The following PRKCH variants were observed in gnomAD, a reference collection of about 807,000 sequenced individuals.
PRKCH encodes protein kinase C eta type.
In PRKCH, 28 loss-of-function variants were observed where a neutral mutation model predicts 82.5. That is an observed-to-expected ratio of 0.34 (90% CI 0.25 to 0.47). The LOEUF (loss-of-function observed/expected upper bound fraction) is 0.47, where lower values mean the gene tolerates loss of function less well. PRKCH is among the 20% of genes least tolerant of loss of function. PRKCH has a pLI of 1.00. For synonymous variants in PRKCH, 322 were observed against 327.4 expected, an observed-to-expected ratio of 0.98 and a Z score of 0.18; for missense variants, 705 against 881.8, an observed-to-expected ratio of 0.80 and a Z score of 2.54.
intron 12 of PRKCH, among the ~76,000 whole-genome samples, chr14:61,542,828 G>A (rs1198906380): frequency 3.3e-5 from 5 of 152,176 alleles, no homozygotes; most frequent in South Asian, 4.1e-4. Context: ...TGTTCACAGC[G>A]GTGGGAACAG....
At chr14:61,487,599 C>T (rs28716927) in intron 10 of PRKCH, among the ~76,000 whole-genome samples, 2,373 of 152,136 alleles carry the variant, frequency 0.016, 54 homozygotes, top group African/African-American at 0.054. Flanking sequence ...CGAAGAGAGA[C>T]GTTTCCACAT....
intron 1 of PRKCH, among the ~76,000 whole-genome samples, chr14:61,269,701 C>T (rs920497072): frequency 3.8e-4 from 58 of 152,244 alleles, no homozygotes; most frequent in South Asian, 1.2e-3. Context: ...TTTTTGCTGT[C>T]GTTTGCATTA....
intron 2 of PRKCH, among the ~76,000 whole-genome samples, chr14:61,418,037 C>A (rs943006862): frequency 1.3e-5 from 2 of 152,206 alleles, no homozygotes; most frequent in African/African-American, 4.8e-5. Flanking sequence ...CTCCACCCTG[C>A]AATTGTCTTA....
At chr14:61,406,831 A>G (rs1281322834) in intron 2 of PRKCH, among the ~76,000 whole-genome samples, 2 of 152,100 alleles carry the variant, frequency 1.3e-5, no homozygotes, top group Non-Finnish European at 2.9e-5. Context: ...AAAGGTTTGA[A>G]GATTTCATCA....
In PRKCH at chr14:61,423,050, G is replaced by A. The variant is rs138757562; in HGVS notation, c.428-20061G>A. On this transcript the variant is annotated intron_variant, in intron 2 of 13. Transcript: ENST00000332981. ...AATGAATGAAGTTGCCCAAATTTAC[G>A]TGTGAAGATGTGTTGGAGCCTAAGT... Among the ~76,000 whole-genome samples, 25 of 152,224 alleles carry A rather than the reference G, an allele frequency of 1.6e-4. No homozygotes were observed. The East Asian group carries it at 3.3e-3, about 20-fold the overall frequency.
intron 1 of PRKCH, among the ~76,000 whole-genome samples, chr14:61,371,222 T>A (rs2046361163): frequency 6.6e-6 from 1 of 152,094 alleles, no homozygotes. Flanking sequence ...TGCAGAGAAT[T>A]CCCATATACC....
At chr14:61,473,833 A>C (rs1002047588) in intron 9 of PRKCH, among the ~76,000 whole-genome samples, 6 of 152,128 alleles carry the variant, frequency 3.9e-5, no homozygotes, top group African/African-American at 1.4e-4. Context: ...TCTCTACTAA[A>C]AATACAAAAA....
At chr14:61,477,211 T>C (rs1885767581) in intron 9 of PRKCH, 1 of 152,266 alleles carries the variant, frequency 6.6e-6, no homozygotes, top group South Asian at 2.1e-4. Flanking sequence ...TTGTTATTCA[T>C]GTAGAAATAC....
At chr14:61,258,583 A>G (rs573293774) in intron 1 of PRKCH, among the ~76,000 whole-genome samples, 1 of 152,350 alleles carries the variant, frequency 6.6e-6, no homozygotes, top group African/African-American at 2.4e-5. Context: ...ACTTTCCTAC[A>G]TCAAATAACC....
intron 1 of PRKCH, among the ~76,000 whole-genome samples, chr14:61,227,210 TACTC>T (rs1245263269): frequency 3.3e-5 from 5 of 152,226 alleles, no homozygotes; most frequent in Non-Finnish European, 7.3e-5. Flanking sequence ...TTTCCTCGCT[TACTC>T]ACTCTGTCAT....
chr14:61,478,434 G>T (rs1667932531), intron 9 of PRKCH, among the ~76,000 whole-genome samples: 3 of 152,150 alleles, frequency 2.0e-5, no homozygotes, highest in African/African-American at 7.2e-5. Flanking sequence ...GGTACCAATA[G>T]CTTCTATTGA....
At chr14:61,351,510 G>T (rs892931847) in intron 1 of PRKCH, among the ~76,000 whole-genome samples, 2 of 152,178 alleles carry the variant, frequency 1.3e-5, no homozygotes, top group African/African-American at 4.8e-5. Context: ...TTAAGATTTG[G>T]ATGCATGTGT....
chr14:61,320,194 A>G (rs2045597180), upstream of PRKCH, among the ~76,000 whole-genome samples: 2 of 151,992 alleles, frequency 1.3e-5, no homozygotes, highest in Admixed American at 6.5e-5. Flanking sequence ...CCAGTCTCTA[A>G]AACATAAAAG....
chr14:61,283,184 TAA>T (rs2045286874), intron 1 of PRKCH, among the ~76,000 whole-genome samples: 1 of 152,120 alleles, frequency 6.6e-6, no homozygotes, highest in Admixed American at 6.5e-5. Flanking sequence ...TGGTAAATCT[TAA>T]GTCTTTTTTC....
chr14:61,386,083 C>T (rs975801207), intron 1 of PRKCH, among the ~76,000 whole-genome samples: 1 of 152,202 alleles, frequency 6.6e-6, no homozygotes, highest in Non-Finnish European at 1.5e-5. Flanking sequence ...CTATATTCCC[C>T]AGTATGCTGC....
intron 2 of PRKCH, among the ~76,000 whole-genome samples, chr14:61,424,519 C>A (rs1392597107): frequency 6.6e-6 from 1 of 152,184 alleles, no homozygotes; most frequent in East Asian, 1.9e-4. Flanking sequence ...AGACTGACAG[C>A]ATTTTGCCCA....
intron 1 of PRKCH, among the ~76,000 whole-genome samples, chr14:61,349,667 C>G (rs2046044621): frequency 6.6e-6 from 1 of 152,080 alleles, no homozygotes; most frequent in African/African-American, 2.4e-5. Flanking sequence ...TCGAGACCAG[C>G]CTGGCCAACA....
At chr14:61,339,538 T>C (rs2045903848) in intron 1 of PRKCH, among the ~76,000 whole-genome samples, 1 of 149,490 alleles carries the variant, frequency 6.7e-6, no homozygotes, top group African/African-American at 2.5e-5. Flanking sequence ...TTAGCCAGGA[T>C]GGTCTCGATC....
chr14:61,400,603 C>G (rs981128911), intron 2 of PRKCH, among the ~76,000 whole-genome samples: 4 of 152,194 alleles, frequency 2.6e-5, no homozygotes, highest in African/African-American at 9.7e-5. Context: ...CTCTCGTCTT[C>G]TCCATAATAT....
Sources: allele counts gnomAD v4.1 joint callset (sites outside exome capture counted in the v4.1 genomes callset), GRCh38; gene constraint gnomAD v4.1.1; transcripts MANE v1.5; gene names NCBI Gene and HGNC (gene_info 2026-07-23, HGNC 2026-07-21).